Variants in BAHCC1 observed in about 807,000 individuals in gnomAD.
The protein encoded by BAHCC1 is BAH domain and coiled-coil containing 1.
In BAHCC1, 43 loss-of-function variants were observed where a neutral mutation model predicts 88.2. The observed-to-expected ratio is 0.49, with a 90% CI of 0.38 to 0.63. The LOEUF is 0.63. BAHCC1 is among the 20% of genes least tolerant of loss of function. BAHCC1 has a pLI of 0.00. For synonymous variants in BAHCC1, 1,510 were observed against 745.5 expected, an observed-to-expected ratio of 2.03 and a Z score of -16.71; for missense variants, 3,023 against 1,654.8, an observed-to-expected ratio of 1.83 and a Z score of -14.34.
Position 81,400,020 on chromosome 17 carries a change from C to T in BAHCC1, c.178+103C>T, listed in dbSNP as rs1412769413. The T allele has an allele frequency of 3.9e-6, 4 of 1,028,372 alleles. No individual in the cohort carries two copies. In the East Asian group the frequency reaches 1.5e-4, roughly 38 times the overall value. 63.7% of individuals were successfully genotyped at this position (1,028,372 alleles called of 1,614,324 possible). A position where few individuals can be genotyped will look rare whatever the true frequency, so the allele number is the denominator to read the frequency against. On this transcript the variant is annotated intron_variant, in intron 2 of 27. Coordinates refer to ENST00000675386, the MANE Select transcript of BAHCC1 (RefSeq NM_001377448.1). ...AGCAGAGAAGCTTTGGTTTCATTTC[C>T]CGGCCCCGGCCGCGGTGGCTGCCTG...
At chr17:81,425,979 G>T (rs1464725572) in intron 2 of BAHCC1, among the ~76,000 whole-genome samples, 1 of 149,242 alleles carries the variant, frequency 6.7e-6, no homozygotes, top group Non-Finnish European at 1.5e-5. Context: ...GGTGATAGTG[G>T]TGGGTGTGGT....
intron 16 of BAHCC1, among the ~76,000 whole-genome samples, chr17:81,456,994 G>A (rs1413264591): frequency 6.6e-6 from 1 of 152,072 alleles, no homozygotes; most frequent in Non-Finnish European, 1.5e-5. Flanking sequence ...TAGAAAAATA[G>A]AAGCTTCCTT....
rs369311889 is a variant in BAHCC1, at chr17:81,443,858, G to C, written c.2265G>C (p.Glu755Asp). 2.8e-6 allele frequency: 2 copies of C among 714,328 alleles called. No individual in the cohort carries two copies. Among genetic ancestry groups the C allele is most frequent in the African/African-American group, 3.5e-5 (2 of 57,280 alleles). The allele number at this position is 714,328 out of a possible 1,614,324, so 44.2% of individuals were successfully genotyped here. A position where few individuals can be genotyped will look rare whatever the true frequency, so the allele number is the denominator to read the frequency against. The change falls in exon 6 of 28, where the codon GAG becomes GAC. Residue 755 changes from glutamate to aspartate, a missense_variant. By Grantham distance (45) the Glu-to-Asp change is conservative. Transcript: ENST00000675386. ...ACGCGCTGGACCTGGAGGCTGAGGA[G>C]GAGAGGACGAGGCTATGTGATGACC... ...STHALDLEAE[E>D]ERTRLCDDRL...
chr17:81,433,480 C>T (rs1251748220), intron 3 of BAHCC1, among the ~76,000 whole-genome samples: 3 of 151,212 alleles, frequency 2.0e-5, no homozygotes, highest in Admixed American at 2.0e-4. Flanking sequence ...CCCTCCTGTG[C>T]CCAGGGCAGG....
At chr17:81,432,377 G>A (rs2064270263) in intron 3 of BAHCC1, among the ~76,000 whole-genome samples, 2 of 152,098 alleles carry the variant, frequency 1.3e-5, no homozygotes, top group Non-Finnish European at 2.9e-5. Flanking sequence ...GGAAGGTCCT[G>A]GTGGACAGGC....
intron 11 of BAHCC1, 110 bp downstream of exon 11, chr17:81,447,958 C>A: frequency 1.5e-6 from 1 of 665,274 alleles, no homozygotes; most frequent in East Asian, 2.7e-5. Context: ...CAGTTGTCCC[C>A]AAAGTGTGGT....
rs1353407163 is a variant in BAHCC1 at position 81,447,401 on chromosome 17, A to G, written c.3529A>G (p.Thr1177Ala). 2.7e-6 allele frequency: 2 copies of G among 743,974 alleles called. No individual in the cohort carries two copies. 46.1% of individuals were successfully genotyped at this position (743,974 alleles called of 1,614,324 possible). The change falls in exon 11 of 28, where the codon ACT becomes GCT. Residue 1177 changes from threonine to alanine, a missense_variant. Thr to Ala is a moderately conservative substitution (Grantham distance 58, BLOSUM62 0). Transcript: ENST00000675386. ...GPEATGQAHS[T>A]QGGAREERSR... ...CGAGGCCACCGGCCAGGCTCATTCT[A>G]CTCAGGGAGGGGCACGAGAAGAGAG...
In BAHCC1 at chr17:81,410,087, G is replaced by A. The variant is rs1269353871; in HGVS notation, c.178+10170G>A. 1.3e-5 allele frequency: 5 copies of A among 372,574 alleles called. No homozygotes were observed. In the East Asian group the frequency reaches 5.2e-4, roughly 39 times the overall value. The allele number at this position is 372,574 out of a possible 1,614,324, so 23.1% of individuals were successfully genotyped here. On this transcript the variant is annotated intron_variant, in intron 2 of 27. Coordinates refer to ENST00000675386, the MANE Select transcript of BAHCC1 (RefSeq NM_001377448.1). ...TGGGCAGTTGCCCTGCCCTGCTGGA[G>A]GGTTGAGTGGGACTGGGGGATGCAG...
chr17:81,440,223 CAG>C (rs2064392455), intron 4 of BAHCC1, among the ~76,000 whole-genome samples: 1 of 152,204 alleles, frequency 6.6e-6, no homozygotes, highest in Non-Finnish European at 1.5e-5. Context: ...GTTATTTTGA[CAG>C]TGTTTGTCAG....
chr17:81,413,462 C>T (rs1352903944), intron 2 of BAHCC1, among the ~76,000 whole-genome samples: 1 of 152,188 alleles, frequency 6.6e-6, no homozygotes, highest in African/African-American at 2.4e-5. Context: ...CCCCACACCA[C>T]ACCACCGCCT....
chr17:81,436,960 TTGGGTTTCC>T (rs2064345840), intron 3 of BAHCC1, among the ~76,000 whole-genome samples: 1 of 152,196 alleles, frequency 6.6e-6, no homozygotes, highest in Non-Finnish European at 1.5e-5. Context: ...GACCCAGAGC[TTGGGTTTCC>T]TGGAGCATCT....
chr17:81,439,787 G>T (rs1568015458), intron 4 of BAHCC1, among the ~76,000 whole-genome samples: 1 of 152,136 alleles, frequency 6.6e-6, no homozygotes, highest in Non-Finnish European at 1.5e-5. Context: ...AACAGAGGGA[G>T]GGGACCCCAG....
chr17:81,440,936 C>T (rs1355777428), intron 4 of BAHCC1, among the ~76,000 whole-genome samples: 1 of 152,244 alleles, frequency 6.6e-6, no homozygotes, highest in Non-Finnish European at 1.5e-5. Flanking sequence ...GCGACCCACC[C>T]GTCCTTCCTC....
In BAHCC1 at chr17:81,442,943, C is replaced by T. The variant is rs1477872026; in HGVS notation, c.1594C>T (p.Pro532Ser). The stretch of plus-strand genomic sequence containing the variant: ...AGATAAGACTGTTGGCAAGGAAGCC[C>T]CGGCCGGCCCCCCAGGGGCACAGAA... ...TLDKTVGKEA[P>S]AGPPGAQKVA... is the part of the protein sequence containing the mutation. The change falls in exon 5 of 28, where the codon CCG (proline) becomes TCG (serine). Residue 532 changes from proline to serine, a missense_variant. Transcript: ENST00000675386. 2.6e-6 allele frequency: 2 copies of T among 779,054 alleles called. No individual in the cohort carries two copies. 48.3% of individuals were successfully genotyped at this position (779,054 alleles called of 1,614,324 possible). A position where few individuals can be genotyped will look rare whatever the true frequency, so the allele number is the denominator to read the frequency against.
Position 81,451,736 on chromosome 17 carries a change from G to A in BAHCC1, c.4045G>A (p.Val1349Met), listed in dbSNP as rs782723926. 2 of 775,738 alleles carry A rather than the reference G, an allele frequency of 2.6e-6. No individual in the cohort carries two copies. The highest frequency in any genetic ancestry group is 4.8e-6 in the Non-Finnish European group (2 of 417,604). 48.1% of individuals were successfully genotyped at this position (775,738 alleles called of 1,614,324 possible). Residue 1349 changes from valine (V) to methionine (M), a missense_variant, in exon 12 of 28, where the codon GTG becomes ATG. Coordinates refer to ENST00000675386, the MANE Select transcript of BAHCC1 (RefSeq NM_001377448.1). ...CACGCTGGCCACAGCCTGGTCCCTG[G>A]TGGAGGCCGCTGGCCTGGACAGCTC... is the stretch of plus-strand genomic sequence containing the variant. ...LATLATAWSLVEAAGLDSSTA... is the reference protein window; with the variant it reads ...LATLATAWSLMEAAGLDSSTA...
Position 81,461,954 on chromosome 17 carries a change from A to G in BAHCC1, c.7291A>G (p.Arg2431Gly). The change falls in exon 26 of 28, where the codon AGG (arginine) becomes GGG (glycine). Residue 2431 changes from arginine to glycine, a missense_variant. Transcript: ENST00000675386. ...SFSKAKELSR[R>G]QRPPSVENRP... ...CTCCAAAGCCAAAGAGCTCTCCCGG[A>G]GGCAGCGGCCGCCCTCCGTGGAAAA... 1.3e-6 allele frequency: 1 copy of G among 770,146 alleles called. No homozygotes were observed. The allele number at this position is 770,146 out of a possible 1,614,324, so 47.7% of individuals were successfully genotyped here.
Position 81,399,668 on chromosome 17 carries a change from G to C in BAHCC1, c.-72G>C. ...ACGCCGCCGCCTCTGCGCCGCCCGC[G>C]CGCCGAGCCGCCCCCGGGCCCCGGC... On this transcript the variant is annotated 5_prime_UTR_variant, in exon 2 of 28. Transcript: ENST00000675386. The surrounding 1 kb of genome is among the most constrained non-coding windows in gnomAD (Gnocchi z 4.5). The C allele has an allele frequency of 1.1e-6, 1 of 943,338 alleles. No individual in the cohort carries two copies. The highest frequency in any genetic ancestry group is 1.3e-6 in the Non-Finnish European group (1 of 791,436). The allele number at this position is 943,338 out of a possible 1,614,324, so 58.4% of individuals were successfully genotyped here. A position where few individuals can be genotyped will look rare whatever the true frequency, so the allele number is the denominator to read the frequency against.
intron 2 of BAHCC1, among the ~76,000 whole-genome samples, chr17:81,414,703 G>A (rs1431292728): frequency 6.6e-5 from 10 of 152,234 alleles, no homozygotes; most frequent in South Asian, 6.2e-4. Flanking sequence ...TGGTGTGGCC[G>A]TCGGGGGCAG....
In BAHCC1 at chr17:81,435,608, C is replaced by A. The variant is rs539212566; in HGVS notation, c.359-2762C>A. The A allele has an allele frequency of 2.4e-6, 1 of 423,478 alleles. No homozygotes were observed. The highest frequency in any genetic ancestry group is 2.0e-5 in the African/African-American group (1 of 48,986). The allele number at this position is 423,478 out of a possible 1,614,324, so 26.2% of individuals were successfully genotyped here. ...TCTAGCAGGAGCTTGCAGTTGAGGA[C>A]CTCTGGCTCTGGGTTCATATGGCCC... is the stretch of plus-strand genomic sequence containing the variant. On this transcript the variant is annotated intron_variant, in intron 3 of 27. Coordinates refer to ENST00000675386, the MANE Select transcript of BAHCC1 (RefSeq NM_001377448.1). The surrounding 1 kb of genome is among the most constrained non-coding windows in gnomAD (Gnocchi z 4.4).
Sources: allele counts gnomAD v4.1 joint callset (sites outside exome capture counted in the v4.1 genomes callset), GRCh38; gene constraint gnomAD v4.1.1; non-coding constraint Gnocchi (gnomAD v3.1); transcripts MANE v1.5; gene names NCBI Gene and HGNC (gene_info 2026-07-23, HGNC 2026-07-21).